CELF4: variants seen among roughly 807,000 people sequenced by gnomAD.
CELF4 encodes CUG-BP- and ETR-3-like factor 4.
In CELF4, 18 loss-of-function variants were observed where a neutral mutation model predicts 59.9. The ratio of observed to expected loss-of-function variants is 0.30; its 90% CI spans 0.21 to 0.45. The LOEUF (loss-of-function observed/expected upper bound fraction) is 0.45, where lower values mean the gene tolerates loss of function less well. CELF4 is among the 20% of genes least tolerant of loss of function. The pLI, the probability that CELF4 is intolerant of heterozygous loss-of-function variation, is 1.00. For synonymous variants in CELF4, 261 were observed against 267.1 expected, an observed-to-expected ratio of 0.98 and a Z score of 0.22; for missense variants, 456 against 689.0, an observed-to-expected ratio of 0.66 and a Z score of 3.79.
In CELF4 at chr18:37,475,455, C is replaced by A. The variant is rs2099846173; in HGVS notation, c.369+10070G>T. The stretch of plus-strand genomic sequence containing the variant: ...CACATTTTAGCCAGGGCTTAGACTT[C>A]CGGTGCTGTTGACCTGCAGAGGCTC... On this transcript the variant is annotated intron_variant, in intron 2 of 12. Coordinates refer to ENST00000420428, the MANE Select transcript of CELF4 (RefSeq NM_020180.4). Among the ~76,000 whole-genome samples, 4 of 152,304 alleles carry A rather than the reference C, an allele frequency of 2.6e-5. No individual in the cohort carries two copies. The South Asian group carries it at 8.3e-4, about 32-fold the overall frequency.
At chr18:37,496,000 C>T (rs12458088) in intron 1 of CELF4, among the ~76,000 whole-genome samples, 4,492 of 152,160 alleles carry the variant, frequency 0.03, 93 homozygotes, top group Non-Finnish European at 0.043. Flanking sequence ...CACAGCCAAG[C>T]CATGCCTCCC....
chr18:37,339,973 G>A (rs1412633589), intron 2 of CELF4, among the ~76,000 whole-genome samples: 1 of 152,118 alleles, frequency 6.6e-6, no homozygotes, highest in Admixed American at 6.5e-5. Context: ...CCCCCATAGA[G>A]TGCACCCCAC....
intron 2 of CELF4, among the ~76,000 whole-genome samples, chr18:37,378,232 C>G (rs1469896065): frequency 6.6e-6 from 1 of 152,182 alleles, no homozygotes; most frequent in Non-Finnish European, 1.5e-5. Flanking sequence ...CCACGCCCAC[C>G]CCAGGAGCGG....
intron 1 of CELF4, among the ~76,000 whole-genome samples, chr18:37,552,459 G>C (rs1004597011): frequency 6.6e-6 from 1 of 152,210 alleles, no homozygotes; most frequent in African/African-American, 2.4e-5. Flanking sequence ...TGGCATCCCA[G>C]AAGTCAACGG....
intron 2 of CELF4, among the ~76,000 whole-genome samples, chr18:37,325,745 T>C (rs2097287974): frequency 1.3e-5 from 2 of 152,220 alleles, no homozygotes; most frequent in African/African-American, 2.4e-5. Context: ...TAGGCACCTA[T>C]GGGGTGCTCT....
At chr18:37,433,297 A>C (rs1255253244) in intron 2 of CELF4, among the ~76,000 whole-genome samples, 1 of 152,238 alleles carries the variant, frequency 6.6e-6, no homozygotes, top group East Asian at 1.9e-4. Context: ...GAGCTGTTTC[A>C]GACCTCTCCA....
intron 1 of CELF4, among the ~76,000 whole-genome samples, chr18:37,517,170 A>C (rs1268777445): frequency 4.6e-5 from 7 of 152,122 alleles, no homozygotes; most frequent in African/African-American, 1.4e-4. Flanking sequence ...CCCTGCTTGG[A>C]AGACAGGGCT....
At chr18:37,498,608 C>T (rs565240745) in intron 1 of CELF4, among the ~76,000 whole-genome samples, 12 of 151,964 alleles carry the variant, frequency 7.9e-5, no homozygotes, top group Admixed American at 7.9e-4. Context: ...ATTTAATTTT[C>T]CCCCGACCAT....
intron 12 of CELF4, chr18:37,247,085 C>A (rs1335790194): frequency 6.6e-6 from 1 of 152,206 alleles, no homozygotes; most frequent in Non-Finnish European, 1.5e-5. Flanking sequence ...AATCACAGCA[C>A]CTCCACGAAA....
intron 1 of CELF4, among the ~76,000 whole-genome samples, chr18:37,525,697 C>T (rs8089666): frequency 0.32 from 48,403 of 151,702 alleles, 9,127 homozygotes; most frequent in East Asian, 0.49. Flanking sequence ...ACTTCCATGA[C>T]AAGAGAATGG....
intron 1 of CELF4, among the ~76,000 whole-genome samples, chr18:37,491,728 G>A (rs796101835): frequency 2.6e-5 from 4 of 152,160 alleles, no homozygotes; most frequent in African/African-American, 7.2e-5. Flanking sequence ...GGGTGCTGTC[G>A]GGCTAGGGTG....
intron 2 of CELF4, among the ~76,000 whole-genome samples, chr18:37,458,963 A>C (rs1396209401): frequency 6.6e-6 from 1 of 152,154 alleles, no homozygotes; most frequent in East Asian, 1.9e-4. Context: ...AGTATCCACA[A>C]AGCTTGTTGC....
chr18:37,264,874 A>G (rs1294441282), intron 9 of CELF4, 117 bp from the exon 10 acceptor site: 1 of 777,678 alleles, frequency 1.3e-6, no homozygotes, highest in South Asian at 1.6e-5. Context: ...GCGCCCTGCC[A>G]CTCAGCCACT....
intron 2 of CELF4, among the ~76,000 whole-genome samples, chr18:37,467,330 G>T (rs1046512044): frequency 6.6e-6 from 1 of 152,160 alleles, no homozygotes; most frequent in Non-Finnish European, 1.5e-5. Flanking sequence ...ATCCCAGAGG[G>T]CAAGAGGCCA....
At chr18:37,535,269 A>G (rs2099972597) in intron 1 of CELF4, among the ~76,000 whole-genome samples, 1 of 152,258 alleles carries the variant, frequency 6.6e-6, no homozygotes, top group South Asian at 2.1e-4. Context: ...ATTAAAATCT[A>G]CATGACAGTA....
At chr18:37,538,019 C>T (rs150208325) in intron 1 of CELF4, among the ~76,000 whole-genome samples, 4 of 152,214 alleles carry the variant, frequency 2.6e-5, no homozygotes, top group South Asian at 2.1e-4. Flanking sequence ...TGGAGGCGGC[C>T]GGCTCCTTGG....
chr18:37,540,394 G>A (rs1244528445), intron 1 of CELF4, among the ~76,000 whole-genome samples: 1 of 151,970 alleles, frequency 6.6e-6, no homozygotes, highest in African/African-American at 2.4e-5. Flanking sequence ...CAGGGAAAAC[G>A]GGCCAGCGGT....
At chr18:37,448,880 C>G (rs535190704) in intron 2 of CELF4, among the ~76,000 whole-genome samples, 1 of 152,340 alleles carries the variant, frequency 6.6e-6, no homozygotes, top group Non-Finnish European at 1.5e-5. Context: ...TCCTGCCCAC[C>G]CTCTGGGCCC....
At chr18:37,522,073 G>A (rs776556265) in intron 1 of CELF4, among the ~76,000 whole-genome samples, 3 of 152,118 alleles carry the variant, frequency 2.0e-5, no homozygotes, top group Non-Finnish European at 4.4e-5. Flanking sequence ...TGTCTAAGAG[G>A]AGAGGAGAAA....
Sources: allele counts gnomAD v4.1 joint callset (sites outside exome capture counted in the v4.1 genomes callset), GRCh38; gene constraint gnomAD v4.1.1; transcripts MANE v1.5; gene names NCBI Gene and HGNC (gene_info 2026-07-23, HGNC 2026-07-21).